PDAP1: variants seen among roughly 807,000 people sequenced by gnomAD.
The protein encoded by PDAP1 is PDGFA associated protein 1.
PDAP1 carries 13 observed loss-of-function variants against 28.0 expected under a neutral mutation model. That is an observed-to-expected ratio of 0.46 (90% CI 0.30 to 0.74). PDAP1 has a LOEUF of 0.74. Among genes scored for constraint, PDAP1 ranks in the 30% least tolerant of loss-of-function variants. The probability of loss-of-function intolerance (pLI) is 0.07; values close to 1 mark genes in which losing one functional copy is unlikely to be tolerated. For synonymous variants in PDAP1, 77 were observed against 85.1 expected (o/e 0.91, Z 0.52); for missense variants, 150 against 230.0 (o/e 0.65, Z 2.25).
rs1233826619 is a variant in PDAP1, at chr7:99,400,428, G to C, written c.214-4C>G. On this transcript the variant is annotated splice_polypyrimidine_tract_variant and splice_region_variant and intron_variant, in intron 3 of 5. Transcript: ENST00000350498. ...CTTCAACGCCTTTGCGCTTTTGCTA[G>C]AACAGGGCAAGAAGCTGGTTGTTGG... 1.2e-6 allele frequency: 2 copies of C among 1,614,084 alleles called. No individual in the cohort carries two copies. Among genetic ancestry groups the C allele is most frequent in the South Asian group, 1.1e-5 (1 of 91,080 alleles).
At chr7:99,406,576 C>G (rs1794975723) in intron 1 of PDAP1, 1 of 985,236 alleles carries the variant, frequency 1.0e-6, no homozygotes, top group African/African-American at 1.7e-5. Flanking sequence ...CCCTCTTCAG[C>G]CAGAACACCA....
intron 1 of PDAP1, among the ~76,000 whole-genome samples, chr7:99,408,023 G>A (rs568055562): frequency 2.0e-5 from 3 of 152,326 alleles, no homozygotes; most frequent in South Asian, 2.1e-4. Flanking sequence ...CGGAGACACA[G>A]GAGGTGGAGC....
chr7:99,399,264 G>A (rs972690599), intron 4 of PDAP1, among the ~76,000 whole-genome samples: 2 of 152,150 alleles, frequency 1.3e-5, no homozygotes, highest in Non-Finnish European at 2.9e-5. Flanking sequence ...AATACCTGGC[G>A]AACCGCAGAT....
chr7:99,402,198 C>T (rs1331692654), intron 3 of PDAP1, among the ~76,000 whole-genome samples: 3 of 142,598 alleles, frequency 2.1e-5, no homozygotes, highest in African/African-American at 5.3e-5. Flanking sequence ...CACTGCACTC[C>T]AGCCTGGGCG....
intron 1 of PDAP1, among the ~76,000 whole-genome samples, chr7:99,407,817 A>G (rs1795011920): frequency 6.6e-6 from 1 of 152,194 alleles, no homozygotes; most frequent in African/African-American, 2.4e-5. Context: ...GCTACAATGG[A>G]CTGGGCAGTC....
rs1409305395 is a variant in PDAP1 at position 99,396,596 on chromosome 7, G to A, written c.*86C>T. On this transcript the variant is annotated 3_prime_UTR_variant, in exon 6 of 6. Coordinates refer to ENST00000350498, the MANE Select transcript of PDAP1 (RefSeq NM_014891.7). ...CCTGGCCATGAGGGGCTGTTGCAGC[G>A]GCGCCAGGGCACAGGGTGGGCGAGA... is the stretch of plus-strand genomic sequence containing the variant. 1.4e-5 allele frequency: 16 copies of A among 1,136,306 alleles called. No individual in the cohort carries two copies. The highest frequency in any genetic ancestry group is 7.1e-5 in the East Asian group (3 of 42,162). 70.4% of individuals were successfully genotyped at this position (1,136,306 alleles called of 1,614,324 possible). A position where few individuals can be genotyped will look rare whatever the true frequency, so the allele number is the denominator to read the frequency against.
intron 5 of PDAP1, among the ~76,000 whole-genome samples, chr7:99,397,390 A>G (rs1039259984): frequency 2.0e-5 from 3 of 152,106 alleles, no homozygotes; most frequent in Non-Finnish European, 4.4e-5. Flanking sequence ...TGGAGGGGAG[A>G]GCACAGGAAA....
chr7:99,398,792 CCA>C (rs1794810390), intron 4 of PDAP1, among the ~76,000 whole-genome samples: 1 of 152,178 alleles, frequency 6.6e-6, no homozygotes, highest in Non-Finnish European at 1.5e-5. Context: ...ACAGACACAC[CCA>C]GTCTCAGGTC....
chr7:99,397,664 C>A (rs1349496597), intron 5 of PDAP1, among the ~76,000 whole-genome samples, 198 bp downstream of exon 5: 1 of 152,236 alleles, frequency 6.6e-6, no homozygotes, highest in African/African-American at 2.4e-5. Context: ...CATCCGACCC[C>A]ATGATGTCGC....
At position 99,395,517 on chromosome 7, in the gene PDAP1, T is replaced by C. The variant is rs1467267190; in HGVS notation, c.*1165A>G. On this transcript the variant is annotated 3_prime_UTR_variant, in exon 6 of 6. Transcript: ENST00000350498. Reference sequence around the variant, plus strand: ...TTGGCAAGATATTTTTTTCGTGTGCTGTAAACTGAGGTTCTGTCTTGGAGT... The same window carrying C: ...TTGGCAAGATATTTTTTTCGTGTGCCGTAAACTGAGGTTCTGTCTTGGAGT... The C allele has an allele frequency of 1.3e-5, 2 of 152,294 alleles. No individual in the cohort carries two copies. Among genetic ancestry groups the C allele is most frequent in the Non-Finnish European group, 2.9e-5 (2 of 68,074 alleles). The allele number at this position is 152,294 out of a possible 1,614,324, so 9.4% of individuals were successfully genotyped here.
Position 99,400,291 on chromosome 7 carries a change from C to A in PDAP1, c.335+12G>T. 1 of 1,613,042 alleles carries A rather than the reference C, an allele frequency of 6.2e-7. No homozygotes were observed. The highest frequency in any genetic ancestry group is 8.5e-7 in the Non-Finnish European group (1 of 1,179,814). On this transcript the variant is annotated intron_variant, in intron 4 of 5. Coordinates refer to ENST00000350498, the MANE Select transcript of PDAP1 (RefSeq NM_014891.7). ...TATTCCCCGTGACACAAGGCCCAGC[C>A]AGTGATGTTACCGTTCTCTCCTCGA...
At position 99,403,280 on chromosome 7, in the gene PDAP1, C is replaced by T. The variant is rs1460332373; in HGVS notation, c.213+118G>A. ...TTTGTTGTATCTCCCGTAGTGTAAACCCTCAAGAGCAAGGACGTTGTCTGC... is the reference window on the plus strand; with the variant it reads ...TTTGTTGTATCTCCCGTAGTGTAAATCCTCAAGAGCAAGGACGTTGTCTGC... On this transcript the variant is annotated intron_variant, in intron 3 of 5. Transcript: ENST00000350498. The T allele has an allele frequency of 3.4e-5, 23 of 671,786 alleles. No individual in the cohort carries two copies. In the East Asian group the frequency reaches 5.4e-4, roughly 16 times the overall value. 41.6% of individuals were successfully genotyped at this position (671,786 alleles called of 1,614,324 possible). A position where few individuals can be genotyped will look rare whatever the true frequency, so the allele number is the denominator to read the frequency against.
intron 4 of PDAP1, among the ~76,000 whole-genome samples, chr7:99,398,303 T>C (rs1794803376): frequency 6.6e-6 from 1 of 152,182 alleles, no homozygotes; most frequent in Non-Finnish European, 1.5e-5. Flanking sequence ...GGCTTCATGA[T>C]CAGGCTCTGG....
intron 4 of PDAP1, 63 bp from the exon 5 acceptor site, chr7:99,398,076 G>A: frequency 2.5e-6 from 4 of 1,588,932 alleles, no homozygotes; most frequent in Non-Finnish European, 3.4e-6. Context: ...AACTGGACGG[G>A]AGTCAGAATA....
In PDAP1 at chr7:99,400,406, C is replaced by T; in HGVS notation, c.232G>A (p.Glu78Lys). The T allele has an allele frequency of 6.2e-7, 1 of 1,614,206 alleles. No individual in the cohort carries two copies. Among genetic ancestry groups the T allele is most frequent in the Non-Finnish European group, 8.5e-7 (1 of 1,180,022 alleles). The stretch of plus-strand genomic sequence containing the variant: ...GGGTTCTCGATGTCGATGAGCCCTT[C>T]AACGCCTTTGCGCTTTTGCTAGAAC... ...DDYQQKRKGV[E>K]GLIDIENPNR... The change falls in exon 4 of 6, where the codon GAA becomes AAA. Residue 78 changes from glutamate (E) to lysine (K), a missense_variant. Glu to Lys is a moderately conservative substitution (Grantham distance 56). Transcript: ENST00000350498.
intron 1 of PDAP1, among the ~76,000 whole-genome samples, chr7:99,406,081 A>G (rs1794965402): frequency 6.6e-6 from 1 of 152,008 alleles, no homozygotes; most frequent in Admixed American, 6.6e-5. Context: ...AAACCCCCTC[A>G]CTACTAAAAA....
At position 99,396,716 on chromosome 7, in the gene PDAP1, C is replaced by A; in HGVS notation, c.512G>T (p.Gly171Val). 6.2e-7 allele frequency: 1 copy of A among 1,612,124 alleles called. No individual in the cohort carries two copies. The highest frequency in any genetic ancestry group is 1.3e-5 in the African/African-American group (1 of 74,972). ...RKAKDDATLS[G>V]KRMQSLSLNK Reference sequence around the variant, plus strand: ...CAGGGAGAGTGACTGCATTCGTTTTCCTGACAATGTGGCATCGTCTTTTGC... The same window carrying A: ...CAGGGAGAGTGACTGCATTCGTTTTACTGACAATGTGGCATCGTCTTTTGC... Residue 171 changes from glycine to valine, a missense_variant, in exon 6 of 6, where the codon GGA (glycine) becomes GTA (valine). Coordinates refer to ENST00000350498, the MANE Select transcript of PDAP1 (RefSeq NM_014891.7).
chr7:99,402,718 T>A lies in PDAP1; in HGVS notation c.213+680A>T, dbSNP rs182576520. Among the ~76,000 whole-genome samples, 32 of 150,330 alleles carry A rather than the reference T, an allele frequency of 2.1e-4. No homozygotes were observed. In the South Asian group the frequency reaches 2.7e-3, roughly 13 times the overall value. The stretch of plus-strand genomic sequence containing the variant: ...TAACACAGTGAAACCCTGTCTCTAC[T>A]AAAAATACAAAAAATTAGCCCGGCG... On this transcript the variant is annotated intron_variant, in intron 3 of 5. Transcript: ENST00000350498.
intron 3 of PDAP1, among the ~76,000 whole-genome samples, chr7:99,403,113 C>T (rs1794908888): frequency 6.6e-6 from 1 of 152,208 alleles, no homozygotes; most frequent in Admixed American, 6.5e-5. Flanking sequence ...CCAATTTTCA[C>T]ATAGCTGGCT....
Sources: allele counts gnomAD v4.1 joint callset (sites outside exome capture counted in the v4.1 genomes callset), GRCh38; gene constraint gnomAD v4.1.1; transcripts MANE v1.5; gene names NCBI Gene and HGNC (gene_info 2026-07-23, HGNC 2026-07-21).